Variants in SLC24A4 observed in about 807,000 individuals in gnomAD.
SLC24A4 encodes the protein sodium/potassium/calcium exchanger 4.
Under a neutral mutation model 79.0 loss-of-function variants are expected in SLC24A4, and 53 were observed. The ratio of observed to expected loss-of-function variants is 0.67; its 90% CI spans 0.54 to 0.84. The LOEUF is 0.84. Ranked by LOEUF, SLC24A4 falls within the 40% of genes least tolerant of loss-of-function variation. The pLI is 0.00. For synonymous variants in SLC24A4, 323 were observed against 323.8 expected (o/e 1.00, Z 0.03); for missense variants, 731 against 822.0 (o/e 0.89, Z 1.35).
At chr14:92,419,460 C>T (rs901502151) in intron 2 of SLC24A4, among the ~76,000 whole-genome samples, 4 of 152,172 alleles carry the variant, frequency 2.6e-5, no homozygotes, top group African/African-American at 9.7e-5. Flanking sequence ...TGAGGAAGTA[C>T]CTGGTGTCCA....
chr14:92,432,037 G>A (rs561168806), intron 2 of SLC24A4, among the ~76,000 whole-genome samples: 1 of 152,330 alleles, frequency 6.6e-6, no homozygotes, highest in African/African-American at 2.4e-5. Flanking sequence ...TCTAGTGCCT[G>A]CCTTGTGGGT....
rs181910632 is a variant in SLC24A4 at position 92,432,608 on chromosome 14, C to T, written c.242-1304C>T. The stretch of plus-strand genomic sequence containing the variant: ...TTGAAGCCAATCCATGCCCTTGAAC[C>T]GACAGCAGCAACTCTATTAAAGAAG... On this transcript the variant is annotated intron_variant, in intron 2 of 16. Coordinates refer to ENST00000532405, the MANE Select transcript of SLC24A4 (RefSeq NM_153646.4). Among the ~76,000 whole-genome samples, 324 of 152,218 alleles carry T rather than the reference C, an allele frequency of 2.1e-3. 8 individuals carry two copies. In the East Asian group the frequency reaches 0.037, roughly 17 times the overall value.
chr14:92,385,580 T>G (rs554805630), intron 2 of SLC24A4, among the ~76,000 whole-genome samples: 1 of 152,250 alleles, frequency 6.6e-6, no homozygotes, highest in East Asian at 1.9e-4. Flanking sequence ...CACCCATTAT[T>G]ATTCATAACA....
rs141494182 is a variant in SLC24A4, at chr14:92,496,815, CT to C, written c.*3197del. The stretch of plus-strand genomic sequence containing the variant: ...TGCCTGCCTTTATGAATTTTCTTTT[CT>C]TTTTTTTTTGAGACAGCGTCTTGCT... On this transcript the variant is annotated 3_prime_UTR_variant, in exon 17 of 17. Transcript: ENST00000532405. 2.2e-4 allele frequency: 33 copies of C among 149,282 alleles called. No homozygotes were observed. The highest frequency in any genetic ancestry group is 3.0e-4 in the Non-Finnish European group (20 of 67,108). The allele number at this position is 149,282 out of a possible 1,614,324, so 9.2% of individuals were successfully genotyped here. A position where few individuals can be genotyped will look rare whatever the true frequency, so the allele number is the denominator to read the frequency against.
chr14:92,377,846 G>A (rs1205223587), intron 2 of SLC24A4, among the ~76,000 whole-genome samples: 1 of 152,090 alleles, frequency 6.6e-6, no homozygotes, highest in Non-Finnish European at 1.5e-5. Context: ...AAACAGGCAG[G>A]ACTCGGTGAC....
At chr14:92,491,593 A>C (rs1393169711) in intron 14 of SLC24A4, 72 bp from the exon 15 acceptor site, 13 of 1,030,162 alleles carry the variant, frequency 1.3e-5, no homozygotes, top group Non-Finnish European at 2.0e-5. Flanking sequence ...CACTGATAGA[A>C]CAGTTAGGAG....
chr14:92,417,189 A>G (rs1490339185), intron 2 of SLC24A4, among the ~76,000 whole-genome samples: 1 of 152,210 alleles, frequency 6.6e-6, no homozygotes, highest in Non-Finnish European at 1.5e-5. Context: ...AACAAACTGC[A>G]TATTCTACAT....
At chr14:92,416,122 G>GT (rs1555367606) in intron 2 of SLC24A4, among the ~76,000 whole-genome samples, 44 of 147,916 alleles carry the variant, frequency 3.0e-4, no homozygotes, top group Admixed American at 8.1e-4. Context: ...TTGTGTGTGT[G>GT]GTGTGTGTGT....
rs569809925 is a variant in SLC24A4 at position 92,409,036 on chromosome 14, A to G, written c.242-24876A>G. 5.3e-5 allele frequency among the ~76,000 whole-genome samples: 8 copies of G among 152,278 alleles called. No individual in the cohort carries two copies. In the South Asian group the frequency reaches 1.7e-3, roughly 32 times the overall value. ...GCAGGATGAAGGGAGGGAGCCATAT[A>G]TGTTGAGCTGGGCTTTGGCTGGGGT... is the stretch of plus-strand genomic sequence containing the variant. On this transcript the variant is annotated intron_variant, in intron 2 of 16. Transcript: ENST00000532405.
Position 92,337,712 on chromosome 14 carries a change from T to C in SLC24A4, c.241+11734T>C, listed in dbSNP as rs577647960. Among the ~76,000 whole-genome samples the C allele has an allele frequency of 9.9e-5, 15 of 152,280 alleles. No homozygotes were observed. In the South Asian group the frequency reaches 2.9e-3, roughly 30 times the overall value. On this transcript the variant is annotated intron_variant, in intron 2 of 16. Transcript: ENST00000532405. ...GCCTGCCACTCAATAAGAGTGTGTG[T>C]GCATGGGAGTGCTTGTACACACATA...
At chr14:92,460,039 G>A (rs1028677503) in intron 12 of SLC24A4, among the ~76,000 whole-genome samples, 1 of 152,196 alleles carries the variant, frequency 6.6e-6, no homozygotes, top group Non-Finnish European at 1.5e-5. Flanking sequence ...AGGGCCAGGG[G>A]CCGCGGGAAG....
At chr14:92,456,375 G>T in intron 11 of SLC24A4, 29 bp from the exon 12 acceptor site, 1 of 1,611,558 alleles carries the variant, frequency 6.2e-7, no homozygotes, top group South Asian at 1.1e-5. Context: ...CACATGCCTT[G>T]GTGTCCATGT....
rs1359744063 is a variant in SLC24A4 at position 92,323,654 on chromosome 14, C to T, written c.-177C>T. On this transcript the variant is annotated 5_prime_UTR_variant, in exon 1 of 17. Transcript: ENST00000532405. This position sits in a 1 kb window ranked among gnomAD's most constrained non-coding sequence, Gnocchi z 4.9. ...CTCCGGCCGCGTCGCGCGTCCCCAC[C>T]TTCCCAAGGGGCTCCCCCGCCGACC... is the stretch of plus-strand genomic sequence containing the variant. 1.4e-6 allele frequency: 1 copy of T among 698,538 alleles called. No homozygotes were observed. The highest frequency in any genetic ancestry group is 3.4e-5 in the East Asian group (1 of 29,276). The allele number at this position is 698,538 out of a possible 1,614,324, so 43.3% of individuals were successfully genotyped here.
intron 2 of SLC24A4, among the ~76,000 whole-genome samples, chr14:92,354,229 C>T (rs147889296): frequency 0.098 from 14,783 of 151,446 alleles, 920 homozygotes; most frequent in Admixed American, 0.14. Context: ...TGCAGTGGCG[C>T]GATCTCCGCC....
chr14:92,323,889 CGCA>C lies in SLC24A4; in HGVS notation c.63_65del (p.Gln22del). ...GTTCGCAGGAGGCGAGAGATGCTGC[CGCA>C]GCAAGTCGGCTTCGTGTGCGCGGTG... On this transcript the variant is annotated inframe_deletion, in exon 1 of 17. Coordinates refer to ENST00000532405, the MANE Select transcript of SLC24A4 (RefSeq NM_153646.4). The surrounding 1 kb of genome is among the most constrained non-coding windows in gnomAD (Gnocchi z 4.9). 6.2e-7 allele frequency: 1 copy of C among 1,607,122 alleles called. No individual in the cohort carries two copies. The highest frequency in any genetic ancestry group is 8.5e-7 in the Non-Finnish European group (1 of 1,179,650).
At chr14:92,467,632 G>T (rs1372060328) in intron 12 of SLC24A4, among the ~76,000 whole-genome samples, 1 of 152,176 alleles carries the variant, frequency 6.6e-6, no homozygotes, top group Non-Finnish European at 1.5e-5. Flanking sequence ...CAGGCCACTT[G>T]CCCTAGAAAT....
At chr14:92,391,809 C>A (rs894108218) in intron 2 of SLC24A4, among the ~76,000 whole-genome samples, 35 of 152,352 alleles carry the variant, frequency 2.3e-4, no homozygotes, top group African/African-American at 7.7e-4. Flanking sequence ...GGTCATGTGG[C>A]GGTGTCCTGC....
intron 15 of SLC24A4, 117 bp from the exon 16 acceptor site, chr14:92,492,058 G>A (rs1895707483): frequency 4.1e-6 from 4 of 969,996 alleles, no homozygotes; most frequent in Non-Finnish European, 6.5e-6. Context: ...GTGGTCACCT[G>A]TAAACACCTG....
At chr14:92,338,467 G>A (rs1229468080) in intron 2 of SLC24A4, among the ~76,000 whole-genome samples, 1 of 152,212 alleles carries the variant, frequency 6.6e-6, no homozygotes, top group African/African-American at 2.4e-5. Flanking sequence ...AACAGGATTT[G>A]GTGAAAGCAT....
Sources: allele counts gnomAD v4.1 joint callset (sites outside exome capture counted in the v4.1 genomes callset), GRCh38; gene constraint gnomAD v4.1.1; non-coding constraint Gnocchi (gnomAD v3.1); transcripts MANE v1.5; gene names NCBI Gene and HGNC (gene_info 2026-07-23, HGNC 2026-07-21).